The following DHTKD1 variants were observed in gnomAD, a reference collection of about 807,000 sequenced individuals.
DHTKD1 encodes the protein 2-oxoadipate dehydrogenase complex component E1.
DHTKD1 carries 78 observed loss-of-function variants against 101.8 expected under a neutral mutation model. That is an observed-to-expected ratio of 0.77 (90% CI 0.64 to 0.93). DHTKD1 has a LOEUF of 0.93. Ranked by LOEUF, DHTKD1 falls within the 40% of genes least tolerant of loss-of-function variation. The probability of loss-of-function intolerance (pLI) is 0.00; values close to 1 mark genes in which losing one functional copy is unlikely to be tolerated. For missense variants in DHTKD1, 1,223 were observed against 1,161.7 expected (o/e 1.05, Z -0.77); for synonymous variants, 462 against 450.3 (o/e 1.03, Z -0.33).
intron 6 of DHTKD1, among the ~76,000 whole-genome samples, chr10:12,093,798 C>T (rs1833026956): frequency 6.6e-6 from 1 of 152,178 alleles, no homozygotes; most frequent in Non-Finnish European, 1.5e-5. Context: ...ATTGTTTGTG[C>T]ATTCACTCAT....
At chr10:12,098,147 G>A (rs1833103412) in intron 8 of DHTKD1, 151 bp downstream of exon 8, 1 of 702,770 alleles carries the variant, frequency 1.4e-6, no homozygotes, top group Non-Finnish European at 2.3e-6. Flanking sequence ...TGTTGTTTTG[G>A]TACTGATAGT....
In DHTKD1 at chr10:12,081,569, G is replaced by T; in HGVS notation, c.252G>T (p.Glu84Asp). The T allele has an allele frequency of 6.2e-7, 1 of 1,614,190 alleles. No homozygotes were observed. The highest frequency in any genetic ancestry group is 8.5e-7 in the Non-Finnish European group (1 of 1,180,046). The change falls in exon 2 of 17, where the codon GAG becomes GAT. Residue 84 changes from glutamate to aspartate, a missense_variant. Coordinates refer to ENST00000263035, the MANE Select transcript of DHTKD1 (RefSeq NM_018706.7). ...TCTTCACCGGACAAGCCCTGCTGGAGAATGTGCCTGAAATCCAAGCCCTGG... is the reference window on the plus strand; with the variant it reads ...TCTTCACCGGACAAGCCCTGCTGGATAATGTGCCTGAAATCCAAGCCCTGG... ...NPLFTGQALL[E>D]NVPEIQALVQ...
intron 1 of DHTKD1, among the ~76,000 whole-genome samples, chr10:12,076,736 G>A (rs1046895119): frequency 1.3e-5 from 2 of 151,860 alleles, no homozygotes; most frequent in Admixed American, 1.3e-4. Context: ...TCAGCTCACT[G>A]CAAGCTCCGC....
chr10:12,088,872 A>G, intron 4 of DHTKD1, 114 bp from the exon 5 acceptor site: 1 of 977,550 alleles, frequency 1.0e-6, no homozygotes, highest in African/African-American at 1.6e-5. Flanking sequence ...GGCATAAGCC[A>G]CCACTCCTGG....
At chr10:12,089,298 TG>T in intron 5 of DHTKD1, 43 bp downstream of exon 5, 2 of 1,583,304 alleles carry the variant, frequency 1.3e-6, no homozygotes, top group Non-Finnish European at 8.6e-7. Context: ...TGGGGAAAAC[TG>T]GGAAGAATGT....
Position 12,087,745 on chromosome 10 carries a change from G to A in DHTKD1, c.717+16G>A, listed in dbSNP as rs1832927203. 1.3e-6 allele frequency: 2 copies of A among 1,560,630 alleles called. No homozygotes were observed. Among genetic ancestry groups the A allele is most frequent in the African/African-American group, 1.4e-5 (1 of 73,374 alleles). The stretch of plus-strand genomic sequence containing the variant: ...CCCTCCAGAGGTAAGGTTACTCGCT[G>A]TGTTTCTCAGTAGCACTATATGATT... On this transcript the variant is annotated intron_variant, in intron 4 of 16. Transcript: ENST00000263035. The surrounding 1 kb of genome is among the most constrained non-coding windows in gnomAD (Gnocchi z 5.2).
In DHTKD1 at chr10:12,087,094, C is replaced by T. The variant is rs974884162; in HGVS notation, c.523-441C>T. Among the ~76,000 whole-genome samples the T allele has an allele frequency of 6.6e-6, 1 of 152,158 alleles. No individual in the cohort carries two copies. Among genetic ancestry groups the T allele is most frequent in the African/African-American group, 2.4e-5 (1 of 41,424 alleles). On this transcript the variant is annotated intron_variant, in intron 3 of 16. Transcript: ENST00000263035. The surrounding 1 kb of genome is among the most constrained non-coding windows in gnomAD (Gnocchi z 5.2). Reference sequence around the variant, plus strand: ...CTCAGTACAAATGAATGGAACTGAACCTCTGCTGGGGCTGTGACCAGGACT... The same window carrying T: ...CTCAGTACAAATGAATGGAACTGAATCTCTGCTGGGGCTGTGACCAGGACT...
rs547562921 is a variant in DHTKD1, at chr10:12,110,061, G to T, written c.2154+2046G>T. Among the ~76,000 whole-genome samples the T allele has an allele frequency of 1.2e-3, 181 of 152,296 alleles. No homozygotes were observed. The highest frequency in any genetic ancestry group is 4.2e-3 in the African/African-American group (176 of 41,566). On this transcript the variant is annotated intron_variant, in intron 12 of 16. Transcript: ENST00000263035. This position sits in a 1 kb window ranked among gnomAD's most constrained non-coding sequence, Gnocchi z 4.9. The stretch of plus-strand genomic sequence containing the variant: ...CTCCTGTAATCCCAGCACTTTGGGA[G>T]GCCGAGGCGGGCGGATCATGAGGTC...
rs1832871896 is a variant in DHTKD1 at position 12,084,633 on chromosome 10, C to T, written c.404C>T (p.Ser135Phe). 1 of 1,613,938 alleles carries T rather than the reference C, an allele frequency of 6.2e-7. No individual in the cohort carries two copies. Among genetic ancestry groups the T allele is most frequent in the Non-Finnish European group, 8.5e-7 (1 of 1,179,884 alleles). Residue 135 changes from serine (S) to phenylalanine (F), a missense_variant, in exon 3 of 17, where the codon TCC becomes TTC. Ser to Phe is a radical substitution (Grantham distance 155). Coordinates refer to ENST00000263035, the MANE Select transcript of DHTKD1 (RefSeq NM_018706.7). The part of the protein sequence containing the change: ...IYCGQISIET[S>F]QLQSQDEKDW... ...TGTGGGCAGATTTCTATTGAAACCT[C>T]CCAACTTCAGAGCCAGGATGAGAAA...
chr10:12,080,378 T>A (rs1171724386), intron 1 of DHTKD1, among the ~76,000 whole-genome samples: 1 of 151,898 alleles, frequency 6.6e-6, no homozygotes, highest in African/African-American at 2.4e-5. Context: ...TCTGAAATCA[T>A]TCCACAGCAA....
intron 7 of DHTKD1, among the ~76,000 whole-genome samples, chr10:12,097,182 C>T (rs1833083614): frequency 6.6e-6 from 1 of 152,036 alleles, no homozygotes; most frequent in African/African-American, 2.4e-5. Context: ...CATTTATTTA[C>T]CTTCACAAAG....
chr10:12,096,568 G>A (rs72779636), intron 7 of DHTKD1, among the ~76,000 whole-genome samples: 1 of 151,996 alleles, frequency 6.6e-6, no homozygotes, highest in Non-Finnish European at 1.5e-5. Context: ...GTCTCACAGC[G>A]TTACCCAAGC....
At chr10:12,102,422 C>CA (rs752816882) in intron 10 of DHTKD1, among the ~76,000 whole-genome samples, 17,712 of 64,066 alleles carry the variant, frequency 0.28, 1,905 homozygotes, top group East Asian at 0.44. Context: ...GACTCTGTCT[C>CA]AAAAAAAAAA....
At chr10:12,100,285 C>CTGTTTTTTTTTTTT (rs1554793003) in intron 9 of DHTKD1, 23 bp downstream of exon 9, 3,771 of 227,846 alleles carry the variant, frequency 0.017, 90 homozygotes, top group East Asian at 0.026. Context: ...TTTTTTTTTT[C>CTGTTTTTTTTTTTT]TGTTTTTTTT....
chr10:12,097,667 TTC>T lies in DHTKD1; in HGVS notation c.1359-13_1359-12del, dbSNP rs1448856845. ...TACAGGTCAGACTGATTTTTGTTTC[TTC>T]TCTTTCTTGGGCAGAGCTCGAAAGA... On this transcript the variant is annotated splice_polypyrimidine_tract_variant and intron_variant, in intron 7 of 16. Coordinates refer to ENST00000263035, the MANE Select transcript of DHTKD1 (RefSeq NM_018706.7). 7.5e-6 allele frequency: 12 copies of T among 1,589,692 alleles called. No homozygotes were observed. The highest frequency in any genetic ancestry group is 1.7e-4 in the Middle Eastern group (1 of 5,948).
In DHTKD1 at chr10:12,087,106, C is replaced by A. The variant is rs1167453791; in HGVS notation, c.523-429C>A. On this transcript the variant is annotated intron_variant, in intron 3 of 16. Coordinates refer to ENST00000263035, the MANE Select transcript of DHTKD1 (RefSeq NM_018706.7). The surrounding 1 kb of genome is among the most constrained non-coding windows in gnomAD (Gnocchi z 5.2). ...GAATGGAACTGAACCTCTGCTGGGG[C>A]TGTGACCAGGACTCTGGAATGTCAA... is the stretch of plus-strand genomic sequence containing the variant. 6.6e-6 allele frequency among the ~76,000 whole-genome samples: 1 copy of A among 152,188 alleles called. No homozygotes were observed. The highest frequency in any genetic ancestry group is 1.5e-5 in the Non-Finnish European group (1 of 68,050).
intron 13 of DHTKD1, chr10:12,116,379 C>A (rs1833416691): frequency 6.6e-6 from 1 of 152,036 alleles, no homozygotes; most frequent in Non-Finnish European, 1.5e-5. Context: ...AAAATGAGCA[C>A]AGAAGGCAAT....
intron 2 of DHTKD1, among the ~76,000 whole-genome samples, chr10:12,082,039 A>T (rs11812717): frequency 9.6e-4 from 145 of 151,486 alleles, no homozygotes; most frequent in African/African-American, 3.4e-3. Context: ...AGATGGGAGG[A>T]TTGCTTGAAC....
At chr10:12,092,214 C>T (rs538883109) in intron 6 of DHTKD1, among the ~76,000 whole-genome samples, 86 of 152,154 alleles carry the variant, frequency 5.7e-4, no homozygotes, top group African/African-American at 2.0e-3. Context: ...AACTCCTGAC[C>T]TCTGGTGATC....
Sources: allele counts gnomAD v4.1 joint callset (sites outside exome capture counted in the v4.1 genomes callset), GRCh38; gene constraint gnomAD v4.1.1; non-coding constraint Gnocchi (gnomAD v3.1); transcripts MANE v1.5; gene names NCBI Gene and HGNC (gene_info 2026-07-23, HGNC 2026-07-21).